C2CD3: variants seen among roughly 807,000 people sequenced by gnomAD.
C2CD3 encodes C2 domain containing 3 centriole elongation regulator.
C2CD3 carries 148 observed loss-of-function variants against 234.0 expected under a neutral mutation model. The ratio of observed to expected loss-of-function variants is 0.63; its 90% CI spans 0.55 to 0.72. The LOEUF is 0.72. Ranked by LOEUF, C2CD3 falls within the 30% of genes least tolerant of loss-of-function variation. C2CD3 has a pLI of 0.00. For synonymous variants in C2CD3, 1,000 were observed against 1,035.4 expected (o/e 0.97, Z 0.66); for missense variants, 2,577 against 2,811.5 (o/e 0.92, Z 1.89).
chr11:74,111,969 C>CACACAT (rs1555045433), intron 11 of C2CD3, among the ~76,000 whole-genome samples: 1 of 84,424 alleles, frequency 1.2e-5, no homozygotes, highest in Admixed American at 1.0e-4. Context: ...CACACACACA[C>CACACAT]ATATATATAT....
chr11:74,123,618 C>CA (rs1184837575), intron 7 of C2CD3, among the ~76,000 whole-genome samples: 1 of 149,658 alleles, frequency 6.7e-6, no homozygotes, highest in Non-Finnish European at 1.5e-5. Context: ...ATATCGAATA[C>CA]AAAAAATGAA....
chr11:74,015,773 T>C (rs1331946913), intron 32 of C2CD3, among the ~76,000 whole-genome samples: 1 of 151,746 alleles, frequency 6.6e-6, no homozygotes, highest in Non-Finnish European at 1.5e-5. Flanking sequence ...GAAATGACCA[T>C]AAAAAGACCT....
chr11:74,120,182 G>A (rs1347269796), intron 8 of C2CD3, among the ~76,000 whole-genome samples: 2 of 151,276 alleles, frequency 1.3e-5, no homozygotes, highest in Non-Finnish European at 2.9e-5. Context: ...CAACGTGCAG[G>A]TTTGTTACAT....
intron 27 of C2CD3, among the ~76,000 whole-genome samples, chr11:74,048,970 TA>T (rs1216918333): frequency 6.6e-6 from 1 of 152,342 alleles, no homozygotes; most frequent in Non-Finnish European, 1.5e-5. Flanking sequence ...TTCTTTCAAT[TA>T]TTTTTTTAAA....
Position 74,098,405 on chromosome 11 carries a change from G to C in C2CD3, c.2733-150C>G, listed in dbSNP as rs1412528735. The C allele has an allele frequency of 3.8e-6, 3 of 783,910 alleles. No homozygotes were observed. The Admixed American group carries it at 8.6e-5, about 23-fold the overall frequency. 48.6% of individuals were successfully genotyped at this position (783,910 alleles called of 1,614,324 possible). On this transcript the variant is annotated intron_variant, in intron 15 of 32. Transcript: ENST00000334126. ...TTTTAAAAAATGTGTGCATCTGTCA[G>C]TAACCTACCAAATAAAAATTACCAG...
intron 32 of C2CD3, among the ~76,000 whole-genome samples, chr11:74,023,950 G>A (rs1003115683): frequency 9.9e-5 from 15 of 152,144 alleles, no homozygotes; most frequent in Non-Finnish European, 1.9e-4. Flanking sequence ...TGTAACAACA[G>A]TAAATCATGA....
chr11:74,156,628 A>C (rs567294545), intron 3 of C2CD3, among the ~76,000 whole-genome samples: 2 of 152,144 alleles, frequency 1.3e-5, no homozygotes, highest in South Asian at 4.1e-4. Flanking sequence ...TGGGAAACAT[A>C]GTGAGATCCC....
intron 3 of C2CD3, among the ~76,000 whole-genome samples, chr11:74,144,300 C>T (rs1006037213): frequency 6.6e-6 from 1 of 152,150 alleles, no homozygotes; most frequent in Non-Finnish European, 1.5e-5. Flanking sequence ...TCTCTGCAAG[C>T]CTGGATGCAG....
At chr11:74,128,590 C>A (rs61901241) in intron 7 of C2CD3, 1 of 151,824 alleles carries the variant, frequency 6.6e-6, no homozygotes, top group East Asian at 1.9e-4. Context: ...GTGTTTCTCG[C>A]AGAGGGGGAT....
chr11:74,065,488 T>C (rs1043851214), intron 24 of C2CD3, among the ~76,000 whole-genome samples: 2 of 152,200 alleles, frequency 1.3e-5, no homozygotes, highest in Non-Finnish European at 2.9e-5. Context: ...GTTCAACTAT[T>C]GTGGAAGACA....
intron 26 of C2CD3, 100 bp downstream of exon 26, chr11:74,054,507 G>GAAAAAAAAA (rs869085401): frequency 2.9e-5 from 8 of 275,582 alleles, no homozygotes; most frequent in African/African-American, 2.1e-4. Context: ...ACTTGGTTTG[G>GAAAAAAAAA]AAAAAAAAAA....
At chr11:74,109,371 A>T in intron 11 of C2CD3, 1 of 448,630 alleles carries the variant, frequency 2.2e-6, no homozygotes, top group Non-Finnish European at 3.9e-6. Flanking sequence ...AGGCAGTGCT[A>T]TGTTGCTCCG....
At chr11:74,159,177 C>A (rs930890981) in intron 3 of C2CD3, among the ~76,000 whole-genome samples, 2 of 152,128 alleles carry the variant, frequency 1.3e-5, no homozygotes, top group Admixed American at 6.5e-5. Context: ...TGTAAACAAA[C>A]CTGCACTGCC....
At chr11:74,040,786 A>G (rs530917420) in intron 29 of C2CD3, among the ~76,000 whole-genome samples, 6 of 151,932 alleles carry the variant, frequency 3.9e-5, no homozygotes, top group Admixed American at 6.6e-5. Flanking sequence ...CAAACAAACA[A>G]AAAAGCCGGA....
At chr11:74,165,702 G>A (rs758039916) in intron 2 of C2CD3, among the ~76,000 whole-genome samples, 5 of 152,032 alleles carry the variant, frequency 3.3e-5, no homozygotes, top group Non-Finnish European at 5.9e-5. Flanking sequence ...CACCCAGGCT[G>A]GAGTACAGCG....
At chr11:74,041,348 T>C (rs1294426140) in intron 29 of C2CD3, among the ~76,000 whole-genome samples, 1 of 152,210 alleles carries the variant, frequency 6.6e-6, no homozygotes, top group East Asian at 1.9e-4. Flanking sequence ...CCCCTGAGCC[T>C]TGGCGTAAGT....
At chr11:74,156,417 C>T (rs767097236) in intron 3 of C2CD3, among the ~76,000 whole-genome samples, 60 of 138,560 alleles carry the variant, frequency 4.3e-4, no homozygotes, top group East Asian at 1.3e-3. Context: ...GTTGAGATTG[C>T]ATCACTGTAC....
intron 20 of C2CD3, 42 bp from the exon 21 acceptor site, chr11:74,085,928 CA>C: frequency 6.5e-6 from 10 of 1,542,810 alleles, no homozygotes; most frequent in South Asian, 1.2e-5. Flanking sequence ...ACCATGGTAA[CA>C]TTAGAAATCA....
At chr11:74,059,060 G>A (rs1954090222) in intron 24 of C2CD3, among the ~76,000 whole-genome samples, 1 of 152,112 alleles carries the variant, frequency 6.6e-6, no homozygotes, top group South Asian at 2.1e-4. Flanking sequence ...TGCTATGAAT[G>A]TCAGGATTAC....
Sources: allele counts gnomAD v4.1 joint callset (sites outside exome capture counted in the v4.1 genomes callset), GRCh38; gene constraint gnomAD v4.1.1; transcripts MANE v1.5; gene names NCBI Gene and HGNC (gene_info 2026-07-23, HGNC 2026-07-21).